Variants in OCA2 observed in about 807,000 individuals in gnomAD.
OCA2 encodes P protein.
In OCA2, 77 loss-of-function variants were observed where a neutral mutation model predicts 100.2. The observed-to-expected ratio is 0.77, with a 90% CI of 0.64 to 0.93. OCA2 has a LOEUF of 0.93. OCA2 is among the 40% of genes least tolerant of loss of function. The pLI, the probability that OCA2 is intolerant of heterozygous loss-of-function variation, is 0.00. For synonymous variants in OCA2, 432 were observed against 439.2 expected (o/e 0.98, Z 0.21); for missense variants, 1,062 against 1,089.1 (o/e 0.98, Z 0.35).
intron 1 of OCA2, among the ~76,000 whole-genome samples, chr15:28,090,410 G>T (rs116579001): frequency 0.012 from 1,777 of 152,194 alleles, 27 homozygotes; most frequent in African/African-American, 0.041. Flanking sequence ...CTTACAAAGT[G>T]CCTACAGAAC....
intron 8 of OCA2, among the ~76,000 whole-genome samples, chr15:28,015,648 T>C (rs956967213): frequency 3.9e-5 from 6 of 152,154 alleles, no homozygotes; most frequent in African/African-American, 1.4e-4. Flanking sequence ...GTCGACACCT[T>C]GACCTCGGAC....
intron 19 of OCA2, among the ~76,000 whole-genome samples, chr15:27,922,680 GGTGT>G (rs60426286): frequency 0.038 from 5,555 of 147,128 alleles, 329 homozygotes; most frequent in African/African-American, 0.12. Flanking sequence ...TTTTGTTTGG[GGTGT>G]GTGTGTGTGT....
At chr15:28,059,754 G>A (rs2043814819) in intron 2 of OCA2, among the ~76,000 whole-genome samples, 1 of 152,190 alleles carries the variant, frequency 6.6e-6, no homozygotes, top group Non-Finnish European at 1.5e-5. Context: ...AAGCATGCCT[G>A]GGCAGAGCTG....
At chr15:28,096,070 G>T (rs935953076) in intron 1 of OCA2, among the ~76,000 whole-genome samples, 1 of 152,032 alleles carries the variant, frequency 6.6e-6, no homozygotes, top group African/African-American at 2.4e-5. Flanking sequence ...TTCTCTCCGG[G>T]GGCCTGGCTG....
At chr15:27,878,500 T>G (rs1020397568) in intron 19 of OCA2, among the ~76,000 whole-genome samples, 1 of 152,148 alleles carries the variant, frequency 6.6e-6, no homozygotes, top group Admixed American at 6.6e-5. Context: ...GGCTTAAAAG[T>G]TCTTTTCTTT....
rs564408874 is a variant in OCA2 at position 27,951,857 on chromosome 15, G to A, written c.1878C>T (p.Cys626=). 8 of 1,613,918 alleles carry A rather than the reference G, an allele frequency of 5.0e-6. No homozygotes were observed. The highest frequency in any genetic ancestry group is 4.4e-5 in the South Asian group (4 of 91,062). Residue 626 remains cysteine, a synonymous_variant, in exon 18 of 24, where the codon TGC becomes TGT. Transcript: ENST00000354638. ...RISDGILLAK[C]LTVLGFVIFM... ...AGATAACAAATCCCAACACTGTCAG[G>A]CATTTGGCGAGCAGAATCCCGTCAG...
the OCA2 span, among the ~76,000 whole-genome samples, chr15:27,745,434 T>C: frequency 6.6e-6 from 1 of 152,228 alleles, no homozygotes; most frequent in Non-Finnish European, 1.5e-5. Context: ...CTCCCAAGTC[T>C]GGATCTGTTT....
intron 23 of OCA2, among the ~76,000 whole-genome samples, chr15:27,763,411 T>C (rs190319846): frequency 6.6e-6 from 1 of 152,314 alleles, no homozygotes; most frequent in East Asian, 1.9e-4. Context: ...AGGATTCTTA[T>C]CTAGAATATA....
At chr15:27,887,738 C>A (rs2151578846) in intron 19 of OCA2, among the ~76,000 whole-genome samples, 1 of 150,326 alleles carries the variant, frequency 6.7e-6, no homozygotes, top group East Asian at 2.0e-4. Context: ...TGCATTTTGT[C>A]CCTCAAAATC....
chr15:27,728,403 T>A, the OCA2 span, among the ~76,000 whole-genome samples: 2 of 152,324 alleles, frequency 1.3e-5, no homozygotes, highest in African/African-American at 2.4e-5. Flanking sequence ...CCCCTTTTTT[T>A]TTTCTAAATG....
Position 27,755,403 on chromosome 15 carries a change from C to T in OCA2, c.2502G>A (p.Val834=). The T allele has an allele frequency of 6.2e-7, 1 of 1,613,012 alleles. No homozygotes were observed. The highest frequency in any genetic ancestry group is 1.1e-5 in the South Asian group (1 of 91,046). Residue 834 remains valine, a synonymous_variant, in exon 24 of 24, where the codon GTG becomes GTA. Transcript: ENST00000354638. Reference sequence around the variant, plus strand: ...TGGATGTCTATTAATTCCATCCCACCACCACATGAGCCACAAGGAGATAAC... The same window carrying T: ...TGGATGTCTATTAATTCCATCCCACTACCACATGAGCCACAAGGAGATAAC... ...GMCYLLVAHV[V]VGWN
rs185178737 is a variant in OCA2 at position 27,901,861 on chromosome 15, T to A, written c.2079+24266A>T. Among the ~76,000 whole-genome samples the A allele has an allele frequency of 2.7e-3, 417 of 152,216 alleles. 3 individuals carry two copies. Among genetic ancestry groups the A allele is most frequent in the African/African-American group, 9.7e-3 (403 of 41,518 alleles). On this transcript the variant is annotated intron_variant, in intron 19 of 23. Transcript: ENST00000354638. ...AATAGGGCCCTGCTCACCTGGAGTATCCAGGGCAGCCATGTGAGGCTGGGG... is the reference window on the plus strand; with the variant it reads ...AATAGGGCCCTGCTCACCTGGAGTAACCAGGGCAGCCATGTGAGGCTGGGG...
At chr15:28,088,489 T>G (rs1418029934) in intron 1 of OCA2, among the ~76,000 whole-genome samples, 1 of 152,192 alleles carries the variant, frequency 6.6e-6, no homozygotes, top group African/African-American at 2.4e-5. Context: ...AGAAACATTA[T>G]GGATAAATTA....
chr15:28,032,035 T>G, intron 3 of OCA2, 30 bp downstream of exon 3: 1 of 1,552,534 alleles, frequency 6.4e-7, no homozygotes, highest in African/African-American at 1.4e-5. Context: ...CAGAAACTCT[T>G]ACTTTCATAT....
the OCA2 span, among the ~76,000 whole-genome samples, chr15:27,722,800 CTTTCTCTCTCTCTT>C: frequency 1.3e-5 from 1 of 77,364 alleles, no homozygotes; most frequent in African/African-American, 3.8e-5. Flanking sequence ...CTCTCTCTCT[CTTTCTCTCTCTCTT>C]TCTCTCTCTC....
intron 2 of OCA2, among the ~76,000 whole-genome samples, chr15:28,072,973 T>C (rs935171766): frequency 2.6e-5 from 4 of 152,162 alleles, no homozygotes; most frequent in Non-Finnish European, 5.9e-5. Context: ...GAAAAATCAT[T>C]CTACCAAAAA....
chr15:28,096,417 G>GA (rs1233249818), intron 1 of OCA2, among the ~76,000 whole-genome samples: 7 of 152,220 alleles, frequency 4.6e-5, no homozygotes, highest in Non-Finnish European at 1.0e-4. Flanking sequence ...CCGCAGGAGC[G>GA]ATGCTGTGAC....
At chr15:27,770,410 G>A (rs898536695) in intron 23 of OCA2, among the ~76,000 whole-genome samples, 2 of 152,218 alleles carry the variant, frequency 1.3e-5, no homozygotes, top group Admixed American at 6.5e-5. Context: ...CGTCTCCGCC[G>A]GCAGAAGAGG....
intron 23 of OCA2, among the ~76,000 whole-genome samples, chr15:27,834,441 G>A (rs1322311895): frequency 1.3e-5 from 2 of 152,182 alleles, no homozygotes; most frequent in East Asian, 3.9e-4. Flanking sequence ...AGTAAAGGTA[G>A]GTAACATGCT....
Sources: allele counts gnomAD v4.1 joint callset (sites outside exome capture counted in the v4.1 genomes callset), GRCh38; gene constraint gnomAD v4.1.1; transcripts MANE v1.5; gene names NCBI Gene and HGNC (gene_info 2026-07-23, HGNC 2026-07-21).